TRPM3: variants seen among roughly 807,000 people sequenced by gnomAD.
The protein encoded by TRPM3 is transient receptor potential cation channel subfamily M member 3.
A neutral mutation model predicts 181.2 loss-of-function variants in TRPM3; 77 were observed. That is an observed-to-expected ratio of 0.42 (90% CI 0.35 to 0.51). The LOEUF is 0.51. Ranked by LOEUF, TRPM3 falls within the 20% of genes least tolerant of loss-of-function variation. TRPM3 has a pLI of 0.01. For missense variants in TRPM3, 1,759 were observed against 2,196.7 expected (o/e 0.80, Z 3.98); for synonymous variants, 745 against 796.4 (o/e 0.94, Z 1.09).
intron 1 of TRPM3, among the ~76,000 whole-genome samples, chr9:71,306,421 G>A (rs766513402): frequency 1.3e-5 from 2 of 151,470 alleles, no homozygotes; most frequent in Non-Finnish European, 2.9e-5. Context: ...TCCTCCTCTT[G>A]GTTTAATATT....
At chr9:71,120,517 T>C (rs1320992053) in intron 1 of TRPM3, among the ~76,000 whole-genome samples, 1 of 152,176 alleles carries the variant, frequency 6.6e-6, no homozygotes, top group African/African-American at 2.4e-5. Flanking sequence ...GTGCCATTCT[T>C]TTGTGTGACT....
intron 8 of TRPM3, among the ~76,000 whole-genome samples, chr9:70,701,475 TG>T (rs2072545760): frequency 6.6e-6 from 1 of 152,160 alleles, no homozygotes; most frequent in African/African-American, 2.4e-5. Flanking sequence ...GTGGTTTCTG[TG>T]GCATTTAATG....
intron 1 of TRPM3, among the ~76,000 whole-genome samples, chr9:71,036,231 T>C (rs538835290): frequency 6.6e-6 from 1 of 152,270 alleles, no homozygotes; most frequent in South Asian, 2.1e-4. Context: ...TATTCCCTCA[T>C]GGAAACAGCA....
At chr9:71,048,933 G>C (rs2059765427) in intron 1 of TRPM3, among the ~76,000 whole-genome samples, 1 of 152,156 alleles carries the variant, frequency 6.6e-6, no homozygotes, top group Admixed American at 6.5e-5. Flanking sequence ...CTGAGCTATG[G>C]CTCCATTCTT....
At chr9:71,061,353 C>T (rs1292500135) in intron 1 of TRPM3, among the ~76,000 whole-genome samples, 1 of 152,068 alleles carries the variant, frequency 6.6e-6, no homozygotes. Context: ...AATGCAGTTG[C>T]ACATGGGGTT....
chr9:70,821,252 A>G (rs2093141740), intron 6 of TRPM3, among the ~76,000 whole-genome samples: 1 of 152,230 alleles, frequency 6.6e-6, no homozygotes, highest in Non-Finnish European at 1.5e-5. Context: ...TGAAATATTT[A>G]TAAAGGAAAT....
intron 1 of TRPM3, among the ~76,000 whole-genome samples, chr9:70,975,946 A>G (rs1032057503): frequency 6.6e-6 from 1 of 152,218 alleles, no homozygotes; most frequent in Non-Finnish European, 1.5e-5. Context: ...CAAAGCGTCA[A>G]GCATAGTGGA....
chr9:70,798,973 G>C (rs1002162437), intron 6 of TRPM3, among the ~76,000 whole-genome samples: 2 of 152,270 alleles, frequency 1.3e-5, no homozygotes, highest in African/African-American at 4.8e-5. Context: ...TTAGGGACTC[G>C]AACAGCCAAT....
chr9:71,192,713 C>T (rs1391093144), intron 1 of TRPM3, among the ~76,000 whole-genome samples: 1 of 151,800 alleles, frequency 6.6e-6, no homozygotes, highest in Non-Finnish European at 1.5e-5. Context: ...GTTGCCTTTT[C>T]ATCCTGTTGA....
intron 1 of TRPM3, among the ~76,000 whole-genome samples, chr9:71,054,142 C>T (rs1184074425): frequency 6.6e-6 from 1 of 152,036 alleles, no homozygotes; most frequent in African/African-American, 2.4e-5. Context: ...AGAAAGATGA[C>T]TTTTCAGCTT....
At chr9:70,604,399 C>T (rs536081876) in intron 19 of TRPM3, among the ~76,000 whole-genome samples, 10 of 152,328 alleles carry the variant, frequency 6.6e-5, no homozygotes, top group African/African-American at 2.4e-4. Context: ...CACAATGCCT[C>T]AAGTCAAGTG....
chr9:70,633,740 C>T (rs549224471), intron 12 of TRPM3, among the ~76,000 whole-genome samples: 1 of 152,314 alleles, frequency 6.6e-6, no homozygotes, highest in South Asian at 2.1e-4. Flanking sequence ...TACAGGATGC[C>T]TAAGGGCAAT....
At chr9:71,043,076 T>G (rs1221995386) in intron 1 of TRPM3, among the ~76,000 whole-genome samples, 1 of 152,156 alleles carries the variant, frequency 6.6e-6, no homozygotes, top group Admixed American at 6.6e-5. Context: ...TATGTGAAAA[T>G]TGGAAATTTC....
chr9:71,274,898 A>C (rs955359926), intron 1 of TRPM3, among the ~76,000 whole-genome samples: 1 of 152,174 alleles, frequency 6.6e-6, no homozygotes, highest in African/African-American at 2.4e-5. Context: ...AAGTGATATT[A>C]AGGCCTAGGT....
At position 71,157,776 on chromosome 9, in the gene TRPM3, C is replaced by T. The variant is rs552152857; in HGVS notation, c.183+288877G>A. Among the ~76,000 whole-genome samples the T allele has an allele frequency of 2.0e-5, 3 of 152,128 alleles. No individual in the cohort carries two copies. In the South Asian group the frequency reaches 6.2e-4, roughly 32 times the overall value. On this transcript the variant is annotated intron_variant, in intron 1 of 24. Transcript: ENST00000357533. ...ATTTGACTACAGATGGATGGTAAGT[C>T]ATAAAAGAAATTGAGTTAAAGATAT... is the stretch of plus-strand genomic sequence containing the variant.
chr9:70,842,148 A>T (rs1029415661), intron 5 of TRPM3, among the ~76,000 whole-genome samples: 71 of 152,182 alleles, frequency 4.7e-4, no homozygotes, highest in Middle Eastern at 3.4e-3. Flanking sequence ...TTTTATTTAA[A>T]ACTGAGAAGA....
intron 1 of TRPM3, among the ~76,000 whole-genome samples, chr9:71,445,416 T>G (rs2094190294): frequency 6.6e-6 from 1 of 152,226 alleles, no homozygotes; most frequent in Admixed American, 6.5e-5. Context: ...TTTCTACACC[T>G]GAAGTAAAAT....
intron 25 of TRPM3, among the ~76,000 whole-genome samples, chr9:70,538,222 A>T (rs1048417761): frequency 6.6e-6 from 1 of 152,228 alleles, no homozygotes; most frequent in Non-Finnish European, 1.5e-5. Flanking sequence ...CTGATCACAG[A>T]TGCCTTATAT....
At chr9:70,837,866 A>AGATG (rs1487694924) in intron 5 of TRPM3, among the ~76,000 whole-genome samples, 3 of 152,084 alleles carry the variant, frequency 2.0e-5, no homozygotes, top group African/African-American at 7.2e-5. Flanking sequence ...ATCACTGAAT[A>AGATG]TTTTCTTACA....
Sources: allele counts gnomAD v4.1 joint callset (sites outside exome capture counted in the v4.1 genomes callset), GRCh38; gene constraint gnomAD v4.1.1; transcripts MANE v1.5; gene names NCBI Gene and HGNC (gene_info 2026-07-23, HGNC 2026-07-21).